The following RB1 variants were observed in gnomAD, a reference collection of about 807,000 sequenced individuals.
RB1 encodes the protein RB transcriptional corepressor 1.
RB1 carries 18 observed loss-of-function variants against 135.4 expected under a neutral mutation model. The observed-to-expected ratio is 0.13, with a 90% confidence interval of 0.09 to 0.20. The LOEUF (loss-of-function observed/expected upper bound fraction) is 0.20. RB1 is among the 10% of genes least tolerant of loss of function. The pLI is 1.00. For missense variants in RB1, 868 were observed against 1,110.0 expected (o/e 0.78, Z 3.10); for synonymous variants, 365 against 373.2 (o/e 0.98, Z 0.25).
intron 3 of RB1, among the ~76,000 whole-genome samples, chr13:48,343,697 C>G (rs960807175): frequency 3.3e-5 from 5 of 152,136 alleles, no homozygotes; most frequent in Non-Finnish European, 5.9e-5. Context: ...CTCAAAAAAA[C>G]TGGAACTGAG....
intron 2 of RB1, among the ~76,000 whole-genome samples, chr13:48,335,690 T>C (rs1022980768): frequency 6.6e-5 from 10 of 152,068 alleles, no homozygotes; most frequent in Non-Finnish European, 1.0e-4. Context: ...TTGTTTTGGC[T>C]AGGTAAGAAT....
intron 17 of RB1, among the ~76,000 whole-genome samples, chr13:48,444,016 A>G (rs926692053): frequency 6.6e-6 from 1 of 152,150 alleles, no homozygotes; most frequent in South Asian, 2.1e-4. Context: ...CACACTAAGC[A>G]GCAGATACCA....
intron 11 of RB1, among the ~76,000 whole-genome samples, chr13:48,370,595 C>T (rs951947440): frequency 2.6e-5 from 4 of 152,180 alleles, no homozygotes; most frequent in African/African-American, 9.6e-5. Context: ...ACAAAGGATG[C>T]AGATGTAAAG....
chr13:48,342,181 T>G (rs1593433960), intron 2 of RB1, among the ~76,000 whole-genome samples: 1 of 151,974 alleles, frequency 6.6e-6, no homozygotes, highest in East Asian at 1.9e-4. Flanking sequence ...ATAAAAGGAA[T>G]GAATGAATAG....
chr13:48,347,988 A>G, intron 5 of RB1, 125 bp downstream of exon 5: 3 of 740,792 alleles, frequency 4.0e-6, no homozygotes, highest in Non-Finnish European at 6.9e-6. Context: ...AATTAAGCCC[A>G]TAGATTTAAG....
At chr13:48,358,551 A>C (rs541642766) in intron 6 of RB1, among the ~76,000 whole-genome samples, 1 of 152,300 alleles carries the variant, frequency 6.6e-6, no homozygotes, top group Admixed American at 6.5e-5. Context: ...AATGAACTTT[A>C]TAACAGAACA....
rs776678603 is a variant in RB1, at chr13:48,459,779, C to T, written c.2052C>T (p.Phe684=). ...PELEHIIWTL[F]QHTLQNEYEL... ...TAGAACATATCATCTGGACCCTTTT[C>T]CAGCACACCCTGCAGAATGAGTATG... Residue 684 remains phenylalanine (F), a synonymous_variant, in exon 20 of 27, where the codon TTC becomes TTT. Coordinates refer to ENST00000267163, the MANE Select transcript of RB1 (RefSeq NM_000321.3). The T allele has an allele frequency of 6.2e-7, 1 of 1,613,990 alleles. No homozygotes were observed. Among genetic ancestry groups the T allele is most frequent in the Admixed American group, 1.7e-5 (1 of 60,028 alleles).
At chr13:48,379,754 C>A in intron 14 of RB1, 104 bp downstream of exon 14, 1 of 1,384,450 alleles carries the variant, frequency 7.2e-7, no homozygotes, top group Non-Finnish European at 9.9e-7. Flanking sequence ...GAGGTCAAGG[C>A]ATCAAGATCA....
At chr13:48,429,728 C>G (rs1008344705) in intron 17 of RB1, among the ~76,000 whole-genome samples, 11 of 152,046 alleles carry the variant, frequency 7.2e-5, no homozygotes, top group African/African-American at 2.7e-4. Flanking sequence ...TTTAAATTAA[C>G]TGGTGCCAAT....
intron 17 of RB1, among the ~76,000 whole-genome samples, chr13:48,415,323 A>G (rs1317832308): frequency 6.7e-6 from 1 of 148,258 alleles, no homozygotes; most frequent in Non-Finnish European, 1.5e-5. Flanking sequence ...TCTGCCGCCC[A>G]GGCTGGAGTG....
At chr13:48,350,423 C>CA (rs1027951722) in intron 6 of RB1, among the ~76,000 whole-genome samples, 187 of 152,048 alleles carry the variant, frequency 1.2e-3, no homozygotes, top group African/African-American at 4.2e-3. Flanking sequence ...CCTGAATGGC[C>CA]ATGGGTCAAT....
intron 17 of RB1, among the ~76,000 whole-genome samples, chr13:48,386,110 G>A (rs1468723346): frequency 6.6e-6 from 1 of 150,982 alleles, no homozygotes; most frequent in Non-Finnish European, 1.5e-5. Context: ...GTACTTGGGA[G>A]GCTGAGGCAA....
intron 17 of RB1, among the ~76,000 whole-genome samples, chr13:48,414,411 G>A (rs1161905989): frequency 6.6e-6 from 1 of 151,688 alleles, no homozygotes; most frequent in Non-Finnish European, 1.5e-5. Flanking sequence ...GTGTGTGTAA[G>A]GTGAGGGTAC....
At chr13:48,447,896 ATTTACT>A (rs1423902857) in intron 17 of RB1, among the ~76,000 whole-genome samples, 2 of 152,328 alleles carry the variant, frequency 1.3e-5, no homozygotes, top group African/African-American at 4.8e-5. Context: ...TGGAAGAGAA[ATTTACT>A]TTTAGTATAA....
chr13:48,347,735 CT>C (rs1208773147), intron 4 of RB1, 89 bp from the exon 5 acceptor site: 2 of 883,292 alleles, frequency 2.3e-6, no homozygotes, highest in African/African-American at 3.4e-5. Flanking sequence ...ATATATACTT[CT>C]TAAAAGAAGA....
intron 23 of RB1, among the ~76,000 whole-genome samples, chr13:48,473,142 A>C (rs891457068): frequency 3.9e-5 from 6 of 152,312 alleles, no homozygotes; most frequent in South Asian, 2.1e-4. Flanking sequence ...TTGCAGACCT[A>C]TAACTTTTGC....
intron 17 of RB1, among the ~76,000 whole-genome samples, chr13:48,443,464 T>C (rs971296734): frequency 2.6e-5 from 4 of 152,190 alleles, no homozygotes; most frequent in Non-Finnish European, 5.9e-5. Context: ...TAAGTCACAG[T>C]TTACTAAAAT....
At chr13:48,445,457 A>T (rs1463434446) in intron 17 of RB1, among the ~76,000 whole-genome samples, 1 of 151,942 alleles carries the variant, frequency 6.6e-6, no homozygotes, top group Non-Finnish European at 1.5e-5. Flanking sequence ...CCACTATCCC[A>T]CCCGGGTACT....
At chr13:48,377,065 T>C (rs761653346) in intron 13 of RB1, 31 bp downstream of exon 13, 131 of 1,581,474 alleles carry the variant, frequency 8.3e-5, no homozygotes, top group Middle Eastern at 1.7e-4. Context: ...TTCGTGGTAC[T>C]ATAGAGTAAT....
Sources: gnomAD v4.1 joint callset for allele counts (sites outside exome capture counted in the v4.1 genomes callset) on GRCh38, gnomAD v4.1.1 for gene constraint, MANE v1.5 for transcripts, NCBI Gene and HGNC (gene_info 2026-07-23, HGNC 2026-07-21) for gene names.